The following CWF19L2 variants were observed in gnomAD, a reference collection of about 807,000 sequenced individuals.
CWF19L2 encodes CWF19-like protein 2.
In CWF19L2, 98 loss-of-function variants were observed where a neutral mutation model predicts 111.7. That is an observed-to-expected ratio of 0.88 (90% CI 0.75 to 1.04). CWF19L2 has a LOEUF of 1.04. CWF19L2 is among the 50% of genes least tolerant of loss of function. CWF19L2 has a pLI of 0.00. For missense variants in CWF19L2, 1,101 were observed against 1,051.4 expected (o/e 1.05, Z -0.65); for synonymous variants, 351 against 342.9 (o/e 1.02, Z -0.26).
intron 6 of CWF19L2, among the ~76,000 whole-genome samples, chr11:107,435,645 T>C (rs1325082346): frequency 9.9e-5 from 15 of 152,160 alleles, no homozygotes; most frequent in Non-Finnish European, 1.9e-4. Context: ...ATTTCACCTT[T>C]AGTTGATAAT....
intron 10 of CWF19L2, among the ~76,000 whole-genome samples, chr11:107,413,904 C>T (rs1861191012): frequency 6.6e-6 from 1 of 152,110 alleles, no homozygotes; most frequent in African/African-American, 2.4e-5. Context: ...CCTTTAAAAC[C>T]AGTTTTAAAC....
intron 16 of CWF19L2, among the ~76,000 whole-genome samples, chr11:107,332,470 A>G (rs1248203401): frequency 5.9e-5 from 9 of 152,106 alleles, no homozygotes. Context: ...CATACAGCAA[A>G]GAAAAACATA....
At chr11:107,357,189 T>C (rs1269310976) in intron 12 of CWF19L2, among the ~76,000 whole-genome samples, 1 of 152,188 alleles carries the variant, frequency 6.6e-6, no homozygotes, top group Non-Finnish European at 1.5e-5. Flanking sequence ...GTGTCTGGCA[T>C]ATAAGTGAGG....
intron 3 of CWF19L2, among the ~76,000 whole-genome samples, chr11:107,451,062 T>C (rs1861771240): frequency 6.6e-6 from 1 of 152,062 alleles, no homozygotes; most frequent in South Asian, 2.1e-4. Context: ...TTCAAATACA[T>C]ATGGAATTTT....
At chr11:107,409,722 A>G (rs604170) in intron 10 of CWF19L2, among the ~76,000 whole-genome samples, 108,479 of 151,902 alleles carry the variant, frequency 0.71, 39,117 homozygotes, top group Non-Finnish European at 0.77. Flanking sequence ...GTTCAAGCAC[A>G]AGTTAGATGG....
At chr11:107,330,356 A>G (rs1360676390) in intron 16 of CWF19L2, among the ~76,000 whole-genome samples, 3 of 152,218 alleles carry the variant, frequency 2.0e-5, no homozygotes, top group Admixed American at 2.0e-4. Context: ...CAAATAGAGA[A>G]TAAGTATATG....
rs1012304795 is a variant in CWF19L2, at chr11:107,337,330, A to G, written c.2203-617T>C. Among the ~76,000 whole-genome samples, 4 of 151,180 alleles carry G rather than the reference A, an allele frequency of 2.6e-5. No homozygotes were observed. In the East Asian group the frequency reaches 6.0e-4, roughly 23 times the overall value. On this transcript the variant is annotated intron_variant, in intron 14 of 17. Coordinates refer to ENST00000282251, the MANE Select transcript of CWF19L2 (RefSeq NM_152434.3). ...AGGAACTAAGTATTATTATACAACTATACACACAAATATAATCAGTTGTGG... is the reference window on the plus strand; with the variant it reads ...AGGAACTAAGTATTATTATACAACTGTACACACAAATATAATCAGTTGTGG...
At chr11:107,406,622 T>A (rs1404509997) in intron 10 of CWF19L2, among the ~76,000 whole-genome samples, 1 of 151,942 alleles carries the variant, frequency 6.6e-6, no homozygotes, top group African/African-American at 2.4e-5. Flanking sequence ...CTTTTAAAAA[T>A]GTTTTTAAAT....
intron 10 of CWF19L2, chr11:107,403,900 T>C: frequency 2.5e-6 from 2 of 802,506 alleles, no homozygotes; most frequent in Non-Finnish European, 4.4e-6. Flanking sequence ...GTTCAGCTTC[T>C]AGTTTTCACT....
chr11:107,378,062 A>T (rs867254575), intron 12 of CWF19L2, among the ~76,000 whole-genome samples: 48 of 151,564 alleles, frequency 3.2e-4, no homozygotes, highest in Non-Finnish European at 4.6e-4. Context: ...CAAAACCACA[A>T]TGAGATACCA....
chr11:107,334,761 A>C, intron 16 of CWF19L2, 120 bp downstream of exon 16: 1 of 710,872 alleles, frequency 1.4e-6, no homozygotes, highest in Non-Finnish European at 2.5e-6. Context: ...TCATTTGTCG[A>C]ACTAGTAATT....
At chr11:107,338,991 CTG>C (rs137892521) in intron 14 of CWF19L2, among the ~76,000 whole-genome samples, 1,900 of 152,324 alleles carry the variant, frequency 0.012, 24 homozygotes, top group South Asian at 0.039. Context: ...AATTGCCACA[CTG>C]TTTTCCACAA....
At chr11:107,389,281 T>C (rs1425531205) in intron 12 of CWF19L2, among the ~76,000 whole-genome samples, 1 of 152,200 alleles carries the variant, frequency 6.6e-6, no homozygotes, top group Non-Finnish European at 1.5e-5. Flanking sequence ...CAGAAAATAT[T>C]TGCAGCTTTA....
chr11:107,360,398 G>T (rs563960530), intron 12 of CWF19L2, among the ~76,000 whole-genome samples: 5 of 152,308 alleles, frequency 3.3e-5, no homozygotes, highest in South Asian at 4.1e-4. Context: ...GATAGACACA[G>T]GTTGATTACA....
intron 14 of CWF19L2, among the ~76,000 whole-genome samples, chr11:107,338,535 C>T (rs762676081): frequency 2.0e-5 from 3 of 152,118 alleles, no homozygotes; most frequent in Non-Finnish European, 4.4e-5. Context: ...TAGCAACCAT[C>T]AGTTATTCTT....
At chr11:107,356,430 G>C (rs1367734473) in intron 12 of CWF19L2, among the ~76,000 whole-genome samples, 1 of 152,098 alleles carries the variant, frequency 6.6e-6, no homozygotes, top group Non-Finnish European at 1.5e-5. Context: ...GCATTTCTTA[G>C]AGCACACTGA....
intron 12 of CWF19L2, among the ~76,000 whole-genome samples, chr11:107,386,194 G>A (rs1860763866): frequency 6.6e-6 from 1 of 151,890 alleles, no homozygotes; most frequent in African/African-American, 2.4e-5. Context: ...TTTATTTTTT[G>A]TAGAGATAGG....
At chr11:107,414,086 T>C (rs1457556149) in intron 10 of CWF19L2, among the ~76,000 whole-genome samples, 7 of 152,220 alleles carry the variant, frequency 4.6e-5, no homozygotes, top group Non-Finnish European at 8.8e-5. Context: ...AGTTTCTTGA[T>C]CTATAAAACT....
At chr11:107,423,298 A>G (rs779423347) in intron 8 of CWF19L2, among the ~76,000 whole-genome samples, 2 of 151,902 alleles carry the variant, frequency 1.3e-5, no homozygotes, top group African/African-American at 2.4e-5. Context: ...TTCACATTCA[A>G]TTTTCCAAAA....
Sources: allele counts gnomAD v4.1 joint callset (sites outside exome capture counted in the v4.1 genomes callset), GRCh38; gene constraint gnomAD v4.1.1; transcripts MANE v1.5; gene names NCBI Gene and HGNC (gene_info 2026-07-23, HGNC 2026-07-21).